Variants in PDZD2 observed in about 807,000 individuals in gnomAD.
PDZD2 encodes the protein PDZ domain containing 2, also known as PDZ domain-containing protein 2.
PDZD2 carries 90 observed loss-of-function variants against 220.7 expected under a neutral mutation model. The observed-to-expected ratio is 0.41, with a 90% CI of 0.34 to 0.49. The LOEUF (loss-of-function observed/expected upper bound fraction) is 0.49. Among genes scored for constraint, PDZD2 ranks in the 20% least tolerant of loss-of-function variants. The probability of loss-of-function intolerance (pLI) is 0.28; values close to 1 mark genes in which losing one functional copy is unlikely to be tolerated. For synonymous variants in PDZD2, 1,375 were observed against 1,450.5 expected (o/e 0.95, Z 1.18); for missense variants, 3,174 against 3,608.5 (o/e 0.88, Z 3.08).
At chr5:31,856,180 C>A (rs1449564014) in intron 2 of PDZD2, among the ~76,000 whole-genome samples, 1 of 152,168 alleles carries the variant, frequency 6.6e-6, no homozygotes, top group South Asian at 2.1e-4. Context: ...GGCCTCATCT[C>A]GTCCCCAGCT....
intron 21 of PDZD2, 130 bp downstream of exon 21, chr5:32,093,154 G>A (rs543205378): frequency 1.1e-5 from 7 of 613,218 alleles, no homozygotes; most frequent in South Asian, 6.3e-5. Flanking sequence ...CTTGGGTTGC[G>A]AGTTTCACAG....
intron 2 of PDZD2, among the ~76,000 whole-genome samples, chr5:31,966,853 C>T (rs1042802332): frequency 5.9e-5 from 9 of 152,006 alleles, no homozygotes; most frequent in African/African-American, 2.2e-4. Context: ...GGGGACTTGC[C>T]GGCCCCACCA....
At chr5:32,059,041 G>C (rs1739416342) in intron 12 of PDZD2, among the ~76,000 whole-genome samples, 198 bp from the exon 13 acceptor site, 1 of 152,196 alleles carries the variant, frequency 6.6e-6, no homozygotes, top group African/African-American at 2.4e-5. Context: ...CTAGCTCCCA[G>C]GTTAGCCATG....
At chr5:31,857,920 G>A (rs1309816632) in intron 2 of PDZD2, among the ~76,000 whole-genome samples, 4 of 152,084 alleles carry the variant, frequency 2.6e-5, no homozygotes, top group African/African-American at 4.8e-5. Context: ...CCTGTCTCCC[G>A]GGTTCAAGTG....
At chr5:31,680,942 G>A (rs1369067888) in intron 1 of PDZD2, among the ~76,000 whole-genome samples, 1 of 152,092 alleles carries the variant, frequency 6.6e-6, no homozygotes, top group South Asian at 2.1e-4. Flanking sequence ...TCGGACAATT[G>A]CTGACTGTGG....
intron 2 of PDZD2, among the ~76,000 whole-genome samples, chr5:31,851,363 T>C (rs774763566): frequency 1.1e-4 from 17 of 152,230 alleles, no homozygotes; most frequent in Admixed American, 4.6e-4. Context: ...CTATTTCTTA[T>C]CAGTGCAATA....
At chr5:31,824,522 C>T (rs1236040395) in intron 2 of PDZD2, among the ~76,000 whole-genome samples, 2 of 152,098 alleles carry the variant, frequency 1.3e-5, no homozygotes, top group Non-Finnish European at 2.9e-5. Context: ...AGGGGCTACA[C>T]TGGGAGGAAG....
At chr5:31,947,909 G>C (rs1361295484) in intron 2 of PDZD2, among the ~76,000 whole-genome samples, 2 of 152,050 alleles carry the variant, frequency 1.3e-5, no homozygotes, top group Admixed American at 6.5e-5. Context: ...GGAAGGCCAA[G>C]CGAACAATGT....
At chr5:31,944,089 G>C (rs1746435040) in intron 2 of PDZD2, among the ~76,000 whole-genome samples, 1 of 152,164 alleles carries the variant, frequency 6.6e-6, no homozygotes, top group Admixed American at 6.5e-5. Context: ...GCACATGCAG[G>C]TTACTACATT....
chr5:31,799,140 C>T lies in PDZD2; in HGVS notation c.-109C>T. 1 of 684,650 alleles carries T rather than the reference C, an allele frequency of 1.5e-6. No individual in the cohort carries two copies. Among genetic ancestry groups the T allele is most frequent in the South Asian group, 1.9e-5 (1 of 53,062 alleles). 42.4% of individuals were successfully genotyped at this position (684,650 alleles called of 1,614,324 possible). A position where few individuals can be genotyped will look rare whatever the true frequency, so the allele number is the denominator to read the frequency against. ...GCTCATCTGCCAGCCTGAACATGAA[C>T]ACAGGCAAAGCTGATGATGGCCAGG... On this transcript the variant is annotated 5_prime_UTR_variant, in exon 2 of 25. Coordinates refer to ENST00000438447, the MANE Select transcript of PDZD2 (RefSeq NM_178140.4).
chr5:32,107,275 C>T (rs157493), intron 24 of PDZD2: 112,266 of 152,074 alleles, frequency 0.74, 41,879 homozygotes, highest in African/African-American at 0.79. Flanking sequence ...GTAAGTAGTC[C>T]CCATGGTCAC....
chr5:31,943,045 A>G (rs1746343836), intron 2 of PDZD2, among the ~76,000 whole-genome samples: 1 of 152,148 alleles, frequency 6.6e-6, no homozygotes, highest in Admixed American at 6.5e-5. Flanking sequence ...TCTACCAAAA[A>G]TACAAAAATC....
intron 2 of PDZD2, among the ~76,000 whole-genome samples, chr5:31,868,845 C>G (rs373498595): frequency 3.2e-4 from 48 of 152,288 alleles, no homozygotes; most frequent in African/African-American, 1.0e-3. Context: ...GATGTCAGCT[C>G]ACTGGAACCA....
At chr5:31,987,122 T>A (rs1390242547) in intron 3 of PDZD2, among the ~76,000 whole-genome samples, 1 of 152,170 alleles carries the variant, frequency 6.6e-6, no homozygotes, top group Non-Finnish European at 1.5e-5. Flanking sequence ...TCTTTACTAC[T>A]CTGAGAGTTT....
chr5:32,003,528 GCACACACACA>G (rs148162289), intron 5 of PDZD2, among the ~76,000 whole-genome samples: 1 of 112,076 alleles, frequency 8.9e-6, no homozygotes, highest in South Asian at 3.1e-4. Flanking sequence ...ACACACACAC[GCACACACACA>G]CACAGAGGCA....
intron 1 of PDZD2, among the ~76,000 whole-genome samples, chr5:31,675,033 T>C (rs1487758439): frequency 6.6e-6 from 1 of 152,188 alleles, no homozygotes; most frequent in Non-Finnish European, 1.5e-5. Flanking sequence ...GGATGGGATC[T>C]GAGGAGAGAG....
chr5:32,080,370 AG>A (rs1335854371), intron 19 of PDZD2, among the ~76,000 whole-genome samples: 20 of 137,686 alleles, frequency 1.5e-4, no homozygotes. Context: ...AAAAAAAAAA[AG>A]TGGGGGGTGA....
chr5:32,055,494 G>A (rs1184848381), intron 10 of PDZD2, among the ~76,000 whole-genome samples: 1 of 152,036 alleles, frequency 6.6e-6, no homozygotes, highest in Non-Finnish European at 1.5e-5. Flanking sequence ...ACAGCACCTA[G>A]CCTGCACATA....
At chr5:31,841,049 G>A (rs1270780067) in intron 2 of PDZD2, 6 of 276,716 alleles carry the variant, frequency 2.2e-5, no homozygotes, top group Admixed American at 5.1e-5. Flanking sequence ...TTTAAAGTAT[G>A]TTATCAAAAG....
Sources: allele counts gnomAD v4.1 joint callset (sites outside exome capture counted in the v4.1 genomes callset), GRCh38; gene constraint gnomAD v4.1.1; transcripts MANE v1.5; gene names NCBI Gene and HGNC (gene_info 2026-07-23, HGNC 2026-07-21).